The following TRAPPC9 variants were observed in gnomAD, a reference collection of about 807,000 sequenced individuals.
The protein encoded by TRAPPC9 is trafficking protein particle complex subunit 9.
A neutral mutation model predicts 124.0 loss-of-function variants in TRAPPC9; 83 were observed. The observed-to-expected ratio is 0.67, with a 90% confidence interval of 0.56 to 0.80. The LOEUF (loss-of-function observed/expected upper bound fraction) is 0.80, where lower values mean the gene tolerates loss of function less well. Among genes scored for constraint, TRAPPC9 ranks in the 30% least tolerant of loss-of-function variants. The pLI, the probability that TRAPPC9 is intolerant of heterozygous loss-of-function variation, is 0.00. For missense variants in TRAPPC9, 1,302 were observed against 1,508.3 expected, an observed-to-expected ratio of 0.86 and a Z score of 2.27; for synonymous variants, 638 against 617.5, an observed-to-expected ratio of 1.03 and a Z score of -0.49.
At chr8:139,996,076 G>T (rs1837944269) in intron 18 of TRAPPC9, among the ~76,000 whole-genome samples, 1 of 130,180 alleles carries the variant, frequency 7.7e-6, no homozygotes, top group South Asian at 2.7e-4. Flanking sequence ...TGCATTCCAA[G>T]AACTGACCAT....
intron 19 of TRAPPC9, among the ~76,000 whole-genome samples, chr8:139,963,942 T>C (rs757095775): frequency 6.6e-6 from 1 of 152,238 alleles, no homozygotes; most frequent in Non-Finnish European, 1.5e-5. Context: ...TGTTTGTTTT[T>C]AGCCAGGCAC....
At chr8:140,072,178 T>G (rs1843196702) in intron 17 of TRAPPC9, among the ~76,000 whole-genome samples, 1 of 152,192 alleles carries the variant, frequency 6.6e-6, no homozygotes, top group African/African-American at 2.4e-5. Flanking sequence ...CACAGAATTG[T>G]ACACCAACGA....
intron 21 of TRAPPC9, among the ~76,000 whole-genome samples, chr8:139,748,967 GCAGCAGGGAGA>G (rs1331438977): frequency 6.6e-6 from 1 of 152,150 alleles, no homozygotes; most frequent in African/African-American, 2.4e-5. Context: ...CCTGGTGTGT[GCAGCAGGGAGA>G]CAGCAGGAGG....
At chr8:140,137,773 TG>T (rs1245273137) in intron 17 of TRAPPC9, among the ~76,000 whole-genome samples, 2 of 152,266 alleles carry the variant, frequency 1.3e-5, no homozygotes, top group Non-Finnish European at 2.9e-5. Context: ...CACTGAGGTT[TG>T]GGGATATCAT....
rs1024378095 is a variant in TRAPPC9 at position 140,411,576 on chromosome 8, A to G, written c.887-5878T>C. Among the ~76,000 whole-genome samples, 15 of 152,218 alleles carry G rather than the reference A, an allele frequency of 9.9e-5. 1 individual carries two copies. Among genetic ancestry groups the G allele is most frequent in the Non-Finnish European group, 1.5e-4 (10 of 68,030 alleles). ...AGGCTGGTCTTGAACTCCTGACTTC[A>G]GGTGATCTGCCTGCCTCAAATTCCC... On this transcript the variant is annotated intron_variant, in intron 5 of 22. Transcript: ENST00000438773.
chr8:140,072,561 G>A (rs1210827832), intron 17 of TRAPPC9, among the ~76,000 whole-genome samples: 2 of 36,024 alleles, frequency 5.6e-5, no homozygotes, highest in African/African-American at 8.8e-5. Flanking sequence ...AGGAGGAGGA[G>A]GAGGAGAAAG....
chr8:140,022,134 G>A (rs1012336145), intron 18 of TRAPPC9, among the ~76,000 whole-genome samples: 9 of 152,196 alleles, frequency 5.9e-5, no homozygotes, highest in Non-Finnish European at 1.2e-4. Context: ...ACAGGCACAT[G>A]TGTAATTAAA....
At chr8:139,861,269 G>A (rs977773238) in intron 21 of TRAPPC9, among the ~76,000 whole-genome samples, 4 of 152,212 alleles carry the variant, frequency 2.6e-5, no homozygotes, top group Non-Finnish European at 4.4e-5. Flanking sequence ...AGCCTCTACT[G>A]CTGTGTCATT....
chr8:139,980,445 C>A (rs1468001383), intron 19 of TRAPPC9, among the ~76,000 whole-genome samples: 2 of 152,204 alleles, frequency 1.3e-5, no homozygotes, highest in Non-Finnish European at 2.9e-5. Context: ...AAACAAAAGT[C>A]CCGGAATGCC....
intron 15 of TRAPPC9, among the ~76,000 whole-genome samples, chr8:140,264,618 G>A (rs2064556117): frequency 6.8e-6 from 1 of 146,622 alleles, no homozygotes; most frequent in Admixed American, 6.8e-5. Context: ...AAGGGAGAGA[G>A]AGAGAGAGCG....
intron 21 of TRAPPC9, among the ~76,000 whole-genome samples, chr8:139,779,524 G>T (rs1278637514): frequency 6.6e-6 from 1 of 152,142 alleles, no homozygotes. Context: ...TATAATGTAT[G>T]TATAAATAAA....
In TRAPPC9 at chr8:140,287,598, C is replaced by G; in HGVS notation, c.1981+10G>C. 6.2e-7 allele frequency: 1 copy of G among 1,614,066 alleles called. No individual in the cohort carries two copies. The highest frequency in any genetic ancestry group is 2.2e-5 in the East Asian group (1 of 44,868). On this transcript the variant is annotated intron_variant, in intron 13 of 22. Transcript: ENST00000438773. ...CTCCTGAGCAGGAAGCATGAAGGGA[C>G]TCTCCTTACCGTTCACAGTAATCGT...
At chr8:140,055,184 G>C (rs1183019159) in intron 17 of TRAPPC9, among the ~76,000 whole-genome samples, 1 of 152,198 alleles carries the variant, frequency 6.6e-6, no homozygotes, top group African/African-American at 2.4e-5. Context: ...AACTAAGTGA[G>C]ATTTATCTCT....
rs1844281466 is a variant in TRAPPC9 at position 140,087,610 on chromosome 8, C to T, written c.2557-63531G>A. Reference sequence around the variant, plus strand: ...ACCTTAAAAGACACCCTTGCTTATTCTTCAGTGCATCTAAGGTCTGACCAC... The same window carrying T: ...ACCTTAAAAGACACCCTTGCTTATTTTTCAGTGCATCTAAGGTCTGACCAC... On this transcript the variant is annotated intron_variant, in intron 17 of 22. Coordinates refer to ENST00000438773, the MANE Select transcript of TRAPPC9 (RefSeq NM_001160372.4). The surrounding 1 kb of genome is among the most constrained non-coding windows in gnomAD (Gnocchi z 4.6). Among the ~76,000 whole-genome samples, 4 of 152,230 alleles carry T rather than the reference C, an allele frequency of 2.6e-5. No homozygotes were observed. In the East Asian group the frequency reaches 7.7e-4, roughly 29 times the overall value.
At chr8:140,058,574 C>T (rs954706202) in intron 17 of TRAPPC9, among the ~76,000 whole-genome samples, 27 of 152,178 alleles carry the variant, frequency 1.8e-4, no homozygotes, top group Admixed American at 1.6e-3. Context: ...CAATACAGGA[C>T]AAGGAACCTC....
chr8:140,418,896 T>C (rs567691172), intron 5 of TRAPPC9, among the ~76,000 whole-genome samples: 2 of 152,332 alleles, frequency 1.3e-5, no homozygotes, highest in South Asian at 4.1e-4. Context: ...AAGGTTAGTT[T>C]AATGTCTGAA....
intron 17 of TRAPPC9, among the ~76,000 whole-genome samples, chr8:140,184,070 C>A: frequency 6.6e-6 from 1 of 151,882 alleles, no homozygotes; most frequent in East Asian, 1.9e-4. Context: ...GGAGAACTGA[C>A]TGCCAATGTC....
chr8:139,925,759 A>AG (rs1832774308), intron 19 of TRAPPC9, among the ~76,000 whole-genome samples: 1 of 151,816 alleles, frequency 6.6e-6, no homozygotes, highest in East Asian at 1.9e-4. Flanking sequence ...AAAAAAAAAA[A>AG]AAAAAGAAAG....
chr8:140,081,378 C>G (rs1843810497), intron 17 of TRAPPC9, among the ~76,000 whole-genome samples: 2 of 142,854 alleles, frequency 1.4e-5, no homozygotes, highest in African/African-American at 5.1e-5. Context: ...CAGAGTCTCA[C>G]TCTGTTGCCC....
Sources: allele counts gnomAD v4.1 joint callset (sites outside exome capture counted in the v4.1 genomes callset), GRCh38; gene constraint gnomAD v4.1.1; non-coding constraint Gnocchi (gnomAD v3.1); transcripts MANE v1.5; gene names NCBI Gene and HGNC (gene_info 2026-07-23, HGNC 2026-07-21).